RYR2: variants seen among roughly 807,000 people sequenced by gnomAD.
RYR2 encodes the protein cardiac muscle ryanodine receptor-calcium release channel.
Under a neutral mutation model 601.1 loss-of-function variants are expected in RYR2, and 227 were observed. The observed-to-expected ratio is 0.38, with a 90% CI of 0.34 to 0.42. RYR2 has a LOEUF of 0.42. Ranked by LOEUF, RYR2 falls within the 10% of genes least tolerant of loss-of-function variation. The pLI is 1.00. For missense variants in RYR2, 4,646 were observed against 6,156.5 expected (o/e 0.75, Z 8.21); for synonymous variants, 2,223 against 2,175.1 (o/e 1.02, Z -0.61).
At chr1:237,761,448 C>CA (rs1405764991) in intron 84 of RYR2, among the ~76,000 whole-genome samples, 1 of 152,184 alleles carries the variant, frequency 6.6e-6, no homozygotes, top group Admixed American at 6.5e-5. Context: ...TGAGCTCCTT[C>CA]AGTCTACTCT....
chr1:237,659,411 A>G (rs564652988), intron 54 of RYR2, among the ~76,000 whole-genome samples: 1 of 152,338 alleles, frequency 6.6e-6, no homozygotes, highest in East Asian at 1.9e-4. Context: ...ATATAGGGAA[A>G]TGGTGATATG....
chr1:237,225,302 C>T (rs998006942), intron 1 of RYR2, among the ~76,000 whole-genome samples: 47 of 152,194 alleles, frequency 3.1e-4, no homozygotes, highest in African/African-American at 1.1e-3. Flanking sequence ...TGTATTCGTC[C>T]GTTTTCGCGC....
intron 29 of RYR2, among the ~76,000 whole-genome samples, chr1:237,571,787 T>C (rs113836998): frequency 0.015 from 2,215 of 152,334 alleles, 17 homozygotes; most frequent in Non-Finnish European, 0.023. Flanking sequence ...TGTAACTCAA[T>C]ATCTATGTTT....
At chr1:237,755,028 C>T in intron 80 of RYR2, 1 of 1,256,664 alleles carries the variant, frequency 8.0e-7, no homozygotes, top group Non-Finnish European at 1.0e-6. Flanking sequence ...TATAGTGTGA[C>T]AAAAAAAACC....
intron 34 of RYR2, among the ~76,000 whole-genome samples, chr1:237,596,168 G>C (rs1210508678): frequency 6.6e-6 from 1 of 152,038 alleles, no homozygotes; most frequent in African/African-American, 2.4e-5. Context: ...CTCCTCCAAA[G>C]GAACACAATA....
intron 13 of RYR2, among the ~76,000 whole-genome samples, 157 bp from the exon 14 acceptor site, chr1:237,445,244 A>G (rs1234749180): frequency 6.6e-6 from 1 of 152,210 alleles, no homozygotes; most frequent in African/African-American, 2.4e-5. Context: ...GGAGCTGTGC[A>G]TATGATTTTA....
At chr1:237,701,584 C>T (rs1310061571) in intron 65 of RYR2, among the ~76,000 whole-genome samples, 2 of 151,934 alleles carry the variant, frequency 1.3e-5, no homozygotes, top group East Asian at 1.9e-4. Context: ...TATAAATTTA[C>T]GGGTTTCAAG....
intron 1 of RYR2, among the ~76,000 whole-genome samples, chr1:237,248,277 ACCCCGC>A (rs1687087179): frequency 2.9e-4 from 2 of 6,890 alleles, no homozygotes; most frequent in Non-Finnish European, 3.1e-4. Flanking sequence ...ACCCCCCGCA[ACCCCGC>A]CCCCCCCCCC....
intron 96 of RYR2, among the ~76,000 whole-genome samples, chr1:237,797,303 T>TTGA (rs537611927): frequency 1.6e-4 from 22 of 135,666 alleles, no homozygotes; most frequent in Non-Finnish European, 7.9e-5. Flanking sequence ...ATTCTAATGA[T>TTGA]TGATAGACAT....
At chr1:237,695,925 C>T (rs1309528519) in intron 63 of RYR2, among the ~76,000 whole-genome samples, 2 of 152,136 alleles carry the variant, frequency 1.3e-5, no homozygotes, top group Non-Finnish European at 2.9e-5. Flanking sequence ...CTTTAGCAAT[C>T]ACAGAAATTT....
intron 23 of RYR2, among the ~76,000 whole-genome samples, chr1:237,509,747 G>A (rs1041042418): frequency 3.3e-5 from 5 of 152,192 alleles, no homozygotes; most frequent in African/African-American, 9.7e-5. Flanking sequence ...GTAATATTTA[G>A]CTCTTCCCAG....
chr1:237,694,323 A>G (rs1272314039), intron 63 of RYR2, among the ~76,000 whole-genome samples: 1 of 151,480 alleles, frequency 6.6e-6, no homozygotes, highest in African/African-American at 2.4e-5. Flanking sequence ...AAAATTACTT[A>G]AAGTACTCAG....
At chr1:237,198,440 ATTTT>A (rs145357805) in intron 1 of RYR2, among the ~76,000 whole-genome samples, 9,622 of 132,872 alleles carry the variant, frequency 0.072, 417 homozygotes, top group Middle Eastern at 0.11. Context: ...TGTTTCCTTG[ATTTT>A]TTTTTTTTTT....
chr1:237,209,772 C>T (rs1038107171), intron 1 of RYR2, among the ~76,000 whole-genome samples: 4 of 152,094 alleles, frequency 2.6e-5, no homozygotes, highest in Non-Finnish European at 5.9e-5. Context: ...GGGAGGATCA[C>T]TTGAGCCTGG....
At chr1:237,427,628 C>T (rs1047577888) in intron 12 of RYR2, among the ~76,000 whole-genome samples, 6 of 151,396 alleles carry the variant, frequency 4.0e-5, no homozygotes, top group African/African-American at 1.2e-4. Flanking sequence ...ACTAAAAATA[C>T]AAAAATTAGC....
chr1:237,222,617 T>C (rs1397112327), intron 1 of RYR2, among the ~76,000 whole-genome samples: 1 of 152,170 alleles, frequency 6.6e-6, no homozygotes, highest in Non-Finnish European at 1.5e-5. Context: ...TCTGTCTGTC[T>C]TGAGGTTTTC....
In RYR2 at chr1:237,498,258, T is replaced by G. The variant is rs1664280256; in HGVS notation, c.2203+1506T>G. Among the ~76,000 whole-genome samples the G allele has an allele frequency of 2.0e-5, 3 of 152,150 alleles. No individual in the cohort carries two copies. The South Asian group carries it at 6.2e-4, about 32-fold the overall frequency. ...CATATTTCATCTAACCTCTGAGGAA[T>G]GTGGTTGGAGTCCTCACAGTACTGT... On this transcript the variant is annotated intron_variant, in intron 20 of 104. Coordinates refer to ENST00000366574, the MANE Select transcript of RYR2 (RefSeq NM_001035.3).
intron 12 of RYR2, among the ~76,000 whole-genome samples, chr1:237,428,601 G>A (rs1284916581): frequency 6.8e-6 from 1 of 147,708 alleles, no homozygotes; most frequent in Non-Finnish European, 1.5e-5. Flanking sequence ...CTCTCGGTGG[G>A]GCGGGGGTGC....
intron 1 of RYR2, among the ~76,000 whole-genome samples, chr1:237,210,712 C>T (rs10158020): frequency 0.36 from 55,249 of 152,038 alleles, 10,359 homozygotes; most frequent in East Asian, 0.6. Flanking sequence ...CTGATGCTGG[C>T]TGGGTGCTGT....
Sources: allele counts gnomAD v4.1 joint callset (sites outside exome capture counted in the v4.1 genomes callset), GRCh38; gene constraint gnomAD v4.1.1; transcripts MANE v1.5; gene names NCBI Gene and HGNC (gene_info 2026-07-23, HGNC 2026-07-21).